The following TMEM164 variants were observed in gnomAD, a reference collection of about 807,000 sequenced individuals.
TMEM164 encodes transmembrane protein 164.
A neutral mutation model predicts 18.8 loss-of-function variants in TMEM164; 4 were observed. The observed-to-expected ratio is 0.21, with a 90% CI of 0.10 to 0.49. TMEM164 has a LOEUF of 0.49. Among genes scored for constraint, TMEM164 ranks in the 20% least tolerant of loss-of-function variants. The pLI, the probability that TMEM164 is intolerant of heterozygous loss-of-function variation, is 0.98. For synonymous variants in TMEM164, 86 were observed against 101.7 expected (o/e 0.85, Z 0.93); for missense variants, 108 against 239.9 (o/e 0.45, Z 3.63).
chrX:110,055,588 C>T (rs1279156397), intron 2 of TMEM164, among the ~76,000 whole-genome samples: 1 of 111,767 alleles, frequency 8.9e-6, no homozygotes, highest in Non-Finnish European at 1.9e-5. Context: ...GAATTATCTT[C>T]TCTGTAAATG....
At chrX:110,046,916 C>T (rs1165556739) in intron 2 of TMEM164, among the ~76,000 whole-genome samples, 2 of 112,253 alleles carry the variant, frequency 1.8e-5, no homozygotes, top group Non-Finnish European at 3.8e-5. Flanking sequence ...CTGATTCCTT[C>T]CACCTTGAAT....
chrX:110,169,254 A>G (rs1268515758), intron 5 of TMEM164, among the ~76,000 whole-genome samples: 1 of 111,345 alleles, frequency 9.0e-6, no homozygotes, highest in Non-Finnish European at 1.9e-5. Context: ...TCTCTTCTCC[A>G]TGGCAATAAA....
At chrX:110,106,621 G>A (rs929099715) in intron 3 of TMEM164, among the ~76,000 whole-genome samples, 10 of 111,290 alleles carry the variant, frequency 9.0e-5, no homozygotes, top group Admixed American at 2.9e-4. Flanking sequence ...TGATCCTCCC[G>A]CCTCAGCCTC....
chrX:110,142,311 C>T (rs926724649), intron 4 of TMEM164, among the ~76,000 whole-genome samples: 4 of 112,062 alleles, frequency 3.6e-5, no homozygotes, highest in African/African-American at 9.7e-5. Flanking sequence ...TTGCTGATAC[C>T]ACTATGACTA....
At chrX:110,049,477 G>A (rs1935455658) in intron 2 of TMEM164, among the ~76,000 whole-genome samples, 2 of 111,286 alleles carry the variant, frequency 1.8e-5, no homozygotes, top group Admixed American at 1.9e-4. Flanking sequence ...AAAGCATGCA[G>A]CCTAGATCCC....
At chrX:110,149,844 A>G (rs1447845551) in intron 5 of TMEM164, among the ~76,000 whole-genome samples, 1 of 111,897 alleles carries the variant, frequency 8.9e-6, no homozygotes, top group Non-Finnish European at 1.9e-5. Context: ...GTTCGTGCCA[A>G]GTAGCAGCAT....
chrX:110,171,503 T>C lies in TMEM164; in HGVS notation c.670T>C (p.Leu224=), dbSNP rs1361573842. 1 of 1,207,729 alleles carries C rather than the reference T, an allele frequency of 8.3e-7. No individual in the cohort carries two copies. The highest frequency in any genetic ancestry group is 1.1e-6 in the Non-Finnish European group (1 of 892,980). ...GLMFFYHFSV[L]QILGLVTEVN... ...CATGTTCTTTTATCACTTCAGCGTC[T>C]TGCAGATCCTCGGCCTGGTAAGTTT... The change falls in exon 6 of 7, where the codon TTG becomes CTG. Residue 224 remains leucine (L), a synonymous_variant. Transcript: ENST00000372068.
intron 2 of TMEM164, among the ~76,000 whole-genome samples, chrX:110,046,964 C>T (rs1935339964): frequency 8.9e-6 from 1 of 112,002 alleles, no homozygotes; most frequent in Non-Finnish European, 1.9e-5. Context: ...GGCCCTATCC[C>T]AGAACTATTG....
At chrX:110,092,466 A>T (rs1305653869) in intron 3 of TMEM164, among the ~76,000 whole-genome samples, 1 of 111,374 alleles carries the variant, frequency 9.0e-6, no homozygotes, top group Non-Finnish European at 1.9e-5. Flanking sequence ...ATTCTCTTTG[A>T]AGCAATTGTG....
chrX:110,127,508 C>T (rs1363329423), intron 4 of TMEM164, among the ~76,000 whole-genome samples: 1 of 111,662 alleles, frequency 9.0e-6, no homozygotes, highest in East Asian at 2.8e-4. Context: ...AGCAAAACTC[C>T]GTCTCAAACA....
At chrX:110,021,378 A>G (rs779532826) in intron 2 of TMEM164, among the ~76,000 whole-genome samples, 78 of 110,961 alleles carry the variant, frequency 7.0e-4, no homozygotes, top group Admixed American at 2.0e-3. Flanking sequence ...TGGAGAGATT[A>G]TGGCTGGAAT....
chrX:110,006,070 C>A (rs920899920), intron 2 of TMEM164, among the ~76,000 whole-genome samples: 4 of 111,749 alleles, frequency 3.6e-5, no homozygotes, highest in African/African-American at 1.3e-4. Context: ...AGAAAGTACT[C>A]TTCCTGGGCC....
chrX:110,120,634 G>A (rs1172507413), intron 4 of TMEM164, among the ~76,000 whole-genome samples: 1 of 111,355 alleles, frequency 9.0e-6, no homozygotes, highest in Non-Finnish European at 1.9e-5. Context: ...CTAGCTATTG[G>A]AAAATATACA....
At chrX:110,179,736 T>G (rs2067316240), downstream of TMEM164, among the ~76,000 whole-genome samples, 1 of 112,031 alleles carries the variant, frequency 8.9e-6, no homozygotes, top group Non-Finnish European at 1.9e-5. Flanking sequence ...TCTTACGTGA[T>G]TCATTACTGG....
At position 110,147,066 on chromosome X, in the gene TMEM164, A is replaced by G. The variant is rs1602706882; in HGVS notation, c.586+2190A>G. Among the ~76,000 whole-genome samples, 4 of 111,396 alleles carry G rather than the reference A, an allele frequency of 3.6e-5. No homozygotes were observed. In the South Asian group the frequency reaches 1.1e-3, roughly 31 times the overall value. ...GCTTGAGCATATAGTGCCTCTTCCT[A>G]TGGTTTGGGGTGGGTGGGTAGGTGG... On this transcript the variant is annotated intron_variant, in intron 5 of 6. Transcript: ENST00000372068.
intron 2 of TMEM164, among the ~76,000 whole-genome samples, chrX:110,038,202 G>A (rs1429141157): frequency 3.6e-5 from 4 of 110,066 alleles, no homozygotes; most frequent in Non-Finnish European, 5.7e-5. Flanking sequence ...CGTTTTAGCC[G>A]GGATGGTCTC....
At chrX:110,107,792 C>T (rs1002808256) in intron 3 of TMEM164, among the ~76,000 whole-genome samples, 3 of 109,087 alleles carry the variant, frequency 2.8e-5, no homozygotes, top group Non-Finnish European at 3.8e-5. Flanking sequence ...CCCGAGTAGC[C>T]GAGGTTACAG....
chrX:110,161,527 A>G (rs758386115), intron 5 of TMEM164, among the ~76,000 whole-genome samples: 66 of 111,970 alleles, frequency 5.9e-4, no homozygotes, highest in Middle Eastern at 4.6e-3. Flanking sequence ...TCTGAAGACC[A>G]CTGGATTGTC....
chrX:110,116,657 A>G (rs1050439686), intron 4 of TMEM164, among the ~76,000 whole-genome samples: 1 of 111,988 alleles, frequency 8.9e-6, no homozygotes, highest in Non-Finnish European at 1.9e-5. Flanking sequence ...GATTTTGTGT[A>G]CATTTCCTAT....
Sources: allele counts gnomAD v4.1 joint callset (sites outside exome capture counted in the v4.1 genomes callset), GRCh38; gene constraint gnomAD v4.1.1; transcripts MANE v1.5; gene names NCBI Gene and HGNC (gene_info 2026-07-23, HGNC 2026-07-21).